Variants in NUBPL observed in about 807,000 individuals in gnomAD.
NUBPL encodes the protein iron-sulfur cluster transfer protein NUBPL.
NUBPL carries 31 observed loss-of-function variants against 45.7 expected under a neutral mutation model. That is an observed-to-expected ratio of 0.68 (90% confidence interval 0.51 to 0.92). NUBPL has a LOEUF of 0.92. Ranked by LOEUF, NUBPL falls within the 40% of genes least tolerant of loss-of-function variation. The probability of loss-of-function intolerance (pLI) is 0.00; values close to 1 mark genes in which losing one functional copy is unlikely to be tolerated. For missense variants in NUBPL, 401 were observed against 398.7 expected (o/e 1.01, Z -0.05); for synonymous variants, 144 against 140.9 (o/e 1.02, Z -0.15).
intron 6 of NUBPL, among the ~76,000 whole-genome samples, chr14:31,765,678 A>G (rs1459939912): frequency 5.9e-5 from 9 of 152,044 alleles, no homozygotes; most frequent in Non-Finnish European, 1.3e-4. Context: ...GACAACATAA[A>G]TCTGCCTGAA....
At chr14:31,834,748 T>C (rs1284927528) in intron 8 of NUBPL, among the ~76,000 whole-genome samples, 1 of 152,202 alleles carries the variant, frequency 6.6e-6, no homozygotes, top group East Asian at 1.9e-4. Flanking sequence ...ATACAGAACA[T>C]CATTTCCCCC....
intron 3 of NUBPL, among the ~76,000 whole-genome samples, chr14:31,571,783 A>G (rs2033592570): frequency 6.6e-6 from 1 of 152,076 alleles, no homozygotes; most frequent in Admixed American, 6.5e-5. Context: ...ATCCAGTAAC[A>G]CTGTTGATTT....
intron 6 of NUBPL, among the ~76,000 whole-genome samples, chr14:31,745,974 G>A (rs4981897): frequency 0.51 from 77,742 of 151,780 alleles, 21,646 homozygotes; most frequent in African/African-American, 0.74. Flanking sequence ...CTTTCTATAA[G>A]TAATTGGTGG....
intron 6 of NUBPL, among the ~76,000 whole-genome samples, chr14:31,759,530 C>G (rs1016667720): frequency 6.6e-6 from 1 of 151,750 alleles, no homozygotes; most frequent in Non-Finnish European, 1.5e-5. Context: ...AATTAATTAC[C>G]TCATATACTT....
intron 9 of NUBPL, among the ~76,000 whole-genome samples, chr14:31,846,835 A>C (rs1478468059): frequency 6.6e-6 from 1 of 152,104 alleles, no homozygotes; most frequent in Non-Finnish European, 1.5e-5. Flanking sequence ...GGGCGCCTGC[A>C]GTCCCAGCTA....
chr14:31,562,114 TCATGTCCCGAGGACTTCCAAAG>T lies in NUBPL; in HGVS notation c.158_179del (p.Met53ArgfsTer4). On this transcript the variant is annotated frameshift_variant, in exon 2 of 11. Coordinates refer to ENST00000281081, the MANE Select transcript of NUBPL (RefSeq NM_025152.3). LOFTEE classifies it high-confidence loss of function. Reference sequence around the variant, plus strand: ...ACCCTAAAACAAAGAAGAACACAAATCATGTCCCGAGGACTTCCAAAGCAGAAACCGATAGAAGGTGTTAAAC... The same window carrying T: ...ACCCTAAAACAAAGAAGAACACAAATCAGAAACCGATAGAAGGTGTTAAAC... 4 of 1,612,856 alleles carry T rather than the reference TCATGTCCCGAGGACTTCCAAAG, an allele frequency of 2.5e-6. No individual in the cohort carries two copies. The highest frequency in any genetic ancestry group is 2.5e-6 in the Non-Finnish European group (3 of 1,179,228).
intron 10 of NUBPL, among the ~76,000 whole-genome samples, chr14:31,856,071 AG>A (rs1393720888): frequency 6.6e-6 from 1 of 152,232 alleles, no homozygotes; most frequent in African/African-American, 2.4e-5. Flanking sequence ...CTGCTGATAA[AG>A]ACATACCAGA....
intron 7 of NUBPL, among the ~76,000 whole-genome samples, chr14:31,810,394 T>A (rs1005320239): frequency 3.3e-5 from 5 of 152,250 alleles, no homozygotes; most frequent in Admixed American, 2.6e-4. Context: ...TTTCTTTTTA[T>A]CTTTGTTGGT....
intron 10 of NUBPL, among the ~76,000 whole-genome samples, chr14:31,852,630 C>T (rs924646352): frequency 2.0e-5 from 3 of 152,074 alleles, no homozygotes; most frequent in Admixed American, 6.6e-5. Context: ...GAGGTCACGC[C>T]ATGGCACTCC....
At chr14:31,744,119 G>T (rs111245549) in intron 6 of NUBPL, among the ~76,000 whole-genome samples, 3 of 152,174 alleles carry the variant, frequency 2.0e-5, no homozygotes, top group African/African-American at 7.2e-5. Flanking sequence ...AGAGATAATA[G>T]GAATGAAGTG....
At position 31,787,832 on chromosome 14, in the gene NUBPL, G is replaced by C; in HGVS notation, c.566G>C (p.Gly189Ala). 2 of 1,613,068 alleles carry C rather than the reference G, an allele frequency of 1.2e-6. No homozygotes were observed. The highest frequency in any genetic ancestry group is 1.7e-6 in the Non-Finnish European group (2 of 1,179,106). Reference protein sequence around the residue: ...YLVVDMPPGTGDVQLSVSQNI... With the variant: ...YLVVDMPPGTADVQLSVSQNI... The stretch of plus-strand genomic sequence containing the variant: ...GTTGTAGACATGCCACCAGGAACTG[G>C]AGATGTGCAGTTATCAGTCTCACAG... Residue 189 changes from glycine (G) to alanine (A), a missense_variant, in exon 7 of 11, where the codon GGA becomes GCA. Gly to Ala is a moderately conservative substitution (Grantham distance 60). Coordinates refer to ENST00000281081, the MANE Select transcript of NUBPL (RefSeq NM_025152.3).
chr14:31,751,047 C>A (rs1019477607), intron 6 of NUBPL, among the ~76,000 whole-genome samples: 1 of 152,088 alleles, frequency 6.6e-6, no homozygotes, highest in African/African-American at 2.4e-5. Context: ...AACTCACTCA[C>A]TATTATGAGA....
chr14:31,606,016 C>T (rs1242563967), intron 4 of NUBPL, among the ~76,000 whole-genome samples: 1 of 148,228 alleles, frequency 6.7e-6, no homozygotes, highest in Admixed American at 6.8e-5. Context: ...TCCTTTTCTC[C>T]TCCCTCACTC....
intron 4 of NUBPL, among the ~76,000 whole-genome samples, chr14:31,599,754 G>T (rs2034377520): frequency 6.6e-6 from 1 of 152,058 alleles, no homozygotes; most frequent in Non-Finnish European, 1.5e-5. Flanking sequence ...CAGTCATAGT[G>T]GTGGTGGGTT....
At chr14:31,737,932 T>C (rs1179582484) in intron 6 of NUBPL, among the ~76,000 whole-genome samples, 1 of 152,234 alleles carries the variant, frequency 6.6e-6, no homozygotes, top group Non-Finnish European at 1.5e-5. Flanking sequence ...TTATTCTTTC[T>C]TTGGAAATGG....
intron 3 of NUBPL, among the ~76,000 whole-genome samples, chr14:31,595,220 G>A (rs1041722996): frequency 1.3e-5 from 2 of 152,136 alleles, no homozygotes; most frequent in African/African-American, 2.4e-5. Context: ...TCCACAGGGT[G>A]TTACAAATTA....
In NUBPL at chr14:31,563,156, G is replaced by A. The variant is rs113203028; in HGVS notation, c.256+941G>A. Among the ~76,000 whole-genome samples, 58 of 152,174 alleles carry A rather than the reference G, an allele frequency of 3.8e-4. 1 individual carries two copies. The highest frequency in any genetic ancestry group is 1.2e-3 in the African/African-American group (51 of 41,504). On this transcript the variant is annotated intron_variant, in intron 2 of 10. Transcript: ENST00000281081. The stretch of plus-strand genomic sequence containing the variant: ...ATCTGGTTGTTTTTAAAATTTAGAA[G>A]CTCTTAGTTTTTGGTTCTAGAACCT...
At chr14:31,809,225 C>T (rs539016727) in intron 7 of NUBPL, among the ~76,000 whole-genome samples, 2 of 152,198 alleles carry the variant, frequency 1.3e-5, no homozygotes, top group East Asian at 1.9e-4. Context: ...TGATAGAATT[C>T]GGCTGTGAAT....
intron 8 of NUBPL, chr14:31,844,249 C>T (rs1051925799): frequency 6.6e-6 from 1 of 152,196 alleles, no homozygotes; most frequent in African/African-American, 2.4e-5. Flanking sequence ...AATATACCCT[C>T]ACAAAGATTT....
Sources: gnomAD v4.1 joint callset for allele counts (sites outside exome capture counted in the v4.1 genomes callset) on GRCh38, gnomAD v4.1.1 for gene constraint, MANE v1.5 for transcripts, NCBI Gene and HGNC (gene_info 2026-07-23, HGNC 2026-07-21) for gene names.